Variants in FOXP1 observed in about 807,000 individuals in gnomAD.
FOXP1 encodes the protein forkhead box P1.
A neutral mutation model predicts 98.2 loss-of-function variants in FOXP1; 15 were observed. The observed-to-expected ratio is 0.15, with a 90% CI of 0.10 to 0.24. FOXP1 has a LOEUF of 0.24. FOXP1 is among the 10% of genes least tolerant of loss of function. The pLI, the probability that FOXP1 is intolerant of heterozygous loss-of-function variation, is 1.00. For synonymous variants in FOXP1, 371 were observed against 314.5 expected, an observed-to-expected ratio of 1.18 and a Z score of -1.90; for missense variants, 633 against 848.5, an observed-to-expected ratio of 0.75 and a Z score of 3.15.
At chr3:71,479,118 T>A (rs2090080452) in intron 3 of FOXP1, among the ~76,000 whole-genome samples, 1 of 152,180 alleles carries the variant, frequency 6.6e-6, no homozygotes, top group African/African-American at 2.4e-5. Context: ...CTTGCACAAT[T>A]TATATGCATT....
At chr3:71,311,611 C>T (rs1374475302) in intron 4 of FOXP1, among the ~76,000 whole-genome samples, 1 of 152,184 alleles carries the variant, frequency 6.6e-6, no homozygotes, top group Non-Finnish European at 1.5e-5. Flanking sequence ...ATTATGGACA[C>T]GCTCATCTCA....
chr3:70,998,461 C>T (rs910240965), intron 13 of FOXP1, among the ~76,000 whole-genome samples: 4 of 152,176 alleles, frequency 2.6e-5, no homozygotes, highest in African/African-American at 7.2e-5. Flanking sequence ...CCCCTGCTCT[C>T]AACGAGGTCT....
At chr3:71,350,993 T>G (rs1380016414) in intron 4 of FOXP1, among the ~76,000 whole-genome samples, 2 of 152,066 alleles carry the variant, frequency 1.3e-5, no homozygotes, top group African/African-American at 4.8e-5. Flanking sequence ...AGTAAGTGTT[T>G]CACCGAAAGG....
intron 5 of FOXP1, among the ~76,000 whole-genome samples, chr3:71,223,693 C>CAAA (rs34686001): frequency 4.4e-5 from 4 of 90,094 alleles, no homozygotes; most frequent in African/African-American, 1.1e-4. Flanking sequence ...GACTACGTCT[C>CAAA]AAAAAAAAAA....
At chr3:71,417,604 T>G (rs1478600746) in intron 3 of FOXP1, among the ~76,000 whole-genome samples, 1 of 152,094 alleles carries the variant, frequency 6.6e-6, no homozygotes, top group Non-Finnish European at 1.5e-5. Context: ...AAGTATTACA[T>G]TTCCAGCTTT....
rs112681983 is a variant in FOXP1 at position 71,406,403 on chromosome 3, G to GTATATATATATATATATATATA, written c.-167-47160_-167-47159insTATATATATATATATATATATA. Among the ~76,000 whole-genome samples the GTATATATATATATATATATATA allele has an allele frequency of 1.8e-3, 194 of 107,894 alleles. 3 individuals are homozygous for GTATATATATATATATATATATA. Among genetic ancestry groups the GTATATATATATATATATATATA allele is most frequent in the Non-Finnish European group, 3.2e-3 (146 of 46,120 alleles). 70.8% of individuals were successfully genotyped at this position (107,894 alleles called of 152,430 possible). ...TTTAATTGACACATAATAACTGTAT[G>GTATATATATATATATATATATA]TGTATATATATATATATATATGGTA... On this transcript the variant is annotated intron_variant, in intron 3 of 20. Transcript: ENST00000649528.
chr3:71,048,804 T>TG (rs200042408), intron 9 of FOXP1, among the ~76,000 whole-genome samples: 2,232 of 104,714 alleles, frequency 0.021, 36 homozygotes, highest in African/African-American at 0.049. Context: ...CAGACTATAA[T>TG]GGGGGGGGTA....
intron 13 of FOXP1, among the ~76,000 whole-genome samples, chr3:70,998,703 A>C (rs1266873007): frequency 1.3e-5 from 2 of 152,230 alleles, no homozygotes; most frequent in African/African-American, 4.8e-5. Context: ...ATCTAGAAAT[A>C]AATGAAATCT....
chr3:71,372,950 G>T, intron 3 of FOXP1, among the ~76,000 whole-genome samples: 1 of 152,108 alleles, frequency 6.6e-6, no homozygotes, highest in East Asian at 1.9e-4. Context: ...CTCAAACAAT[G>T]TCTGAAAGGT....
intron 13 of FOXP1, among the ~76,000 whole-genome samples, chr3:70,990,008 C>T (rs559323842): frequency 6.6e-6 from 1 of 152,286 alleles, no homozygotes; most frequent in Non-Finnish European, 1.5e-5. Flanking sequence ...CAGCCACTTT[C>T]ATAAACCCTG....
chr3:71,015,397 C>G, intron 12 of FOXP1, 152 bp downstream of exon 12: 1 of 602,224 alleles, frequency 1.7e-6, no homozygotes, highest in Non-Finnish European at 3.1e-6. Context: ...TGTAACTATT[C>G]CTATGACAGT....
intron 5 of FOXP1, among the ~76,000 whole-genome samples, chr3:71,273,354 C>A (rs544271277): frequency 7.9e-5 from 12 of 152,294 alleles, no homozygotes; most frequent in African/African-American, 2.4e-4. Context: ...GATGCTTACA[C>A]CACTGTAACC....
rs538567441 is a variant in FOXP1, at chr3:71,079,713, T to C, written c.283-25940A>G. Among the ~76,000 whole-genome samples the C allele has an allele frequency of 3.3e-5, 5 of 152,310 alleles. No homozygotes were observed. The South Asian group carries it at 1.0e-3, about 32-fold the overall frequency. On this transcript the variant is annotated intron_variant, in intron 7 of 20. Coordinates refer to ENST00000649528, the MANE Select transcript of FOXP1 (RefSeq NM_001349338.3). ...TCGGGTTATTCCCACTTATTACCTGTACCAAGAGAGGTCCGGCCCTGCCTC... is the reference window on the plus strand; with the variant it reads ...TCGGGTTATTCCCACTTATTACCTGCACCAAGAGAGGTCCGGCCCTGCCTC...
At chr3:71,370,820 GAGA>G (rs1336434489) in intron 3 of FOXP1, among the ~76,000 whole-genome samples, 38 of 112,674 alleles carry the variant, frequency 3.4e-4, no homozygotes, top group African/African-American at 1.2e-3. Flanking sequence ...TTTTTTTACT[GAGA>G]AGGAGTCTTG....
rs573382681 is a variant in FOXP1, at chr3:71,181,653, T to C, written c.180+16549A>G. Among the ~76,000 whole-genome samples the C allele has an allele frequency of 3.9e-5, 6 of 152,292 alleles. No individual in the cohort carries two copies. The South Asian group carries it at 1.2e-3, about 32-fold the overall frequency. ...AATGGGGTAAGCAACGAAGTGTATC[T>C]GTAATGACTGTGGACATGCGACATG... On this transcript the variant is annotated intron_variant, in intron 6 of 20. Coordinates refer to ENST00000649528, the MANE Select transcript of FOXP1 (RefSeq NM_001349338.3).
intron 6 of FOXP1, among the ~76,000 whole-genome samples, chr3:71,169,739 T>A (rs1212696943): frequency 6.6e-6 from 1 of 151,298 alleles, no homozygotes; most frequent in Admixed American, 6.6e-5. Context: ...TTACTTTAGG[T>A]TTTCAACATT....
intron 7 of FOXP1, among the ~76,000 whole-genome samples, chr3:71,075,707 G>GT (rs1295758608): frequency 1.6e-5 from 1 of 61,846 alleles, no homozygotes; most frequent in East Asian, 2.5e-4. Flanking sequence ...GACCCACTGG[G>GT]TTTTTTTTGT....
chr3:71,061,189 A>G (rs2051422742), intron 7 of FOXP1, among the ~76,000 whole-genome samples: 1 of 152,176 alleles, frequency 6.6e-6, no homozygotes, highest in South Asian at 2.1e-4. Flanking sequence ...GACTAAAACA[A>G]GAGTCCAGAA....
At chr3:71,313,776 C>T (rs1047825937) in intron 4 of FOXP1, among the ~76,000 whole-genome samples, 7 of 152,120 alleles carry the variant, frequency 4.6e-5, no homozygotes, top group Admixed American at 4.6e-4. Flanking sequence ...CCGCCCACCT[C>T]GGCCTCCCAA....
Sources: allele counts gnomAD v4.1 joint callset (sites outside exome capture counted in the v4.1 genomes callset), GRCh38; gene constraint gnomAD v4.1.1; transcripts MANE v1.5; gene names NCBI Gene and HGNC (gene_info 2026-07-23, HGNC 2026-07-21).